The following ARID1B variants were observed in gnomAD, a reference collection of about 807,000 sequenced individuals.
ARID1B encodes AT-rich interaction domain 1B, also known as AT-rich interactive domain-containing protein 1B.
A neutral mutation model predicts 212.3 loss-of-function variants in ARID1B; 30 were observed. The observed-to-expected ratio is 0.14, with a 90% CI of 0.11 to 0.19. ARID1B has a LOEUF of 0.19. Ranked by LOEUF, ARID1B falls within the 10% of genes least tolerant of loss-of-function variation. The pLI, the probability that ARID1B is intolerant of heterozygous loss-of-function variation, is 1.00. For missense variants in ARID1B, 2,891 were observed against 3,204.0 expected (o/e 0.90, Z 2.36); for synonymous variants, 1,402 against 1,301.7 (o/e 1.08, Z -1.66).
Position 157,045,492 on chromosome 6 carries a change from A to G in ARID1B, c.2248-39170A>G, listed in dbSNP as rs890255621. 5.9e-5 allele frequency among the ~76,000 whole-genome samples: 9 copies of G among 151,946 alleles called. No homozygotes were observed. In the South Asian group the frequency reaches 1.7e-3, roughly 28 times the overall value. On this transcript the variant is annotated intron_variant, in intron 4 of 19. Transcript: ENST00000636930. ...ACCTTTTTTTTCTTCTGTGAGACAG[A>G]GTCTCTCTCTGTCACCCAGGCTGGA...
chr6:157,184,550 T>TG lies in ARID1B; in HGVS notation c.3919+121dup, dbSNP rs1464278543. On this transcript the variant is annotated intron_variant, in intron 13 of 19. Coordinates refer to ENST00000636930, the MANE Select transcript of ARID1B (RefSeq NM_001374828.1). ...CAGGGAACTTGGGACTTTTGAGAGG[T>TG]GGGGGGTTCCTGTGTCGTTTTGTTT... The TG allele has an allele frequency of 4.1e-6, 5 of 1,207,498 alleles. No individual in the cohort carries two copies. In the East Asian group the frequency reaches 7.5e-5, roughly 18 times the overall value. The allele number at this position is 1,207,498 out of a possible 1,614,324, so 74.8% of individuals were successfully genotyped here.
At chr6:157,039,683 TTCCTTCCTTCC>T (rs1781651720) in intron 4 of ARID1B, among the ~76,000 whole-genome samples, 2 of 92,576 alleles carry the variant, frequency 2.2e-5, no homozygotes, top group East Asian at 2.6e-4. Flanking sequence ...CCTTCCTTCC[TTCCTTCCTTCC>T]TTCTTTCTTT....
At chr6:156,931,389 G>A (rs1441267728) in intron 3 of ARID1B, among the ~76,000 whole-genome samples, 1 of 152,086 alleles carries the variant, frequency 6.6e-6, no homozygotes, top group East Asian at 1.9e-4. Flanking sequence ...CTAGGCCCTT[G>A]TAATAGTTAT....
At chr6:157,159,419 A>T (rs1790781463) in intron 8 of ARID1B, among the ~76,000 whole-genome samples, 1 of 152,164 alleles carries the variant, frequency 6.6e-6, no homozygotes, top group Non-Finnish European at 1.5e-5. Flanking sequence ...TTTGAGAGAA[A>T]AGGTGAAGAT....
rs1794612266 is a variant in ARID1B, at chr6:157,208,299, A to G, written c.*408A>G. 1 of 236,096 alleles carries G rather than the reference A, an allele frequency of 4.2e-6. No homozygotes were observed. Among genetic ancestry groups the G allele is most frequent in the Non-Finnish European group, 8.3e-6 (1 of 119,976 alleles). The allele number at this position is 236,096 out of a possible 1,614,324, so 14.6% of individuals were successfully genotyped here. A position where few individuals can be genotyped will look rare whatever the true frequency, so the allele number is the denominator to read the frequency against. On this transcript the variant is annotated 3_prime_UTR_variant, in exon 20 of 20. Coordinates refer to ENST00000636930, the MANE Select transcript of ARID1B (RefSeq NM_001374828.1). The stretch of plus-strand genomic sequence containing the variant: ...GCGAAAATTTCACCACACTGAGTCA[A>G]AAAGGTGAAAAATTATCCATTTCCT...
In ARID1B at chr6:156,935,624, T is replaced by A. The variant is rs752692590; in HGVS notation, c.2247+48T>A. On this transcript the variant is annotated intron_variant, in intron 4 of 19. Coordinates refer to ENST00000636930, the MANE Select transcript of ARID1B (RefSeq NM_001374828.1). ...TGGAAATGTAATGAGTTAAAGACTT[T>A]TAGAAAGAGCTGTTGTTTTTGTTTG... 4 of 1,471,352 alleles carry A rather than the reference T, an allele frequency of 2.7e-6. No individual in the cohort carries two copies. In the East Asian group the frequency reaches 6.8e-5, roughly 25 times the overall value. 91.1% of individuals were successfully genotyped at this position (1,471,352 alleles called of 1,614,324 possible).
chr6:156,860,411 T>C lies in ARID1B; in HGVS notation c.1986+30990T>C, dbSNP rs575584838. On this transcript the variant is annotated intron_variant, in intron 2 of 19. Transcript: ENST00000636930. ...GAATGGCCACAATAGGATTTGAAAA[T>C]GAAACAGGACAGAAGCCTGTTAGTG... 5.9e-5 allele frequency among the ~76,000 whole-genome samples: 9 copies of C among 151,964 alleles called. No individual in the cohort carries two copies. The South Asian group carries it at 1.7e-3, about 28-fold the overall frequency.
At chr6:156,833,200 G>A (rs1465524324) in intron 2 of ARID1B, among the ~76,000 whole-genome samples, 1 of 151,862 alleles carries the variant, frequency 6.6e-6, no homozygotes, top group East Asian at 1.9e-4. Context: ...ACTAGAATCT[G>A]ACTCTGAGTT....
At chr6:156,812,084 T>G (rs1781590909) in intron 1 of ARID1B, among the ~76,000 whole-genome samples, 1 of 152,238 alleles carries the variant, frequency 6.6e-6, no homozygotes, top group African/African-American at 2.4e-5. Flanking sequence ...AGGTGCTCAT[T>G]AAATGTTGTC....
rs1240367607 is a variant in ARID1B at position 156,778,004 on chromosome 6, CAAG to C, written c.325_327del (p.Lys109del). The C allele has an allele frequency of 6.1e-5, 93 of 1,532,562 alleles. No homozygotes were observed. The highest frequency in any genetic ancestry group is 7.6e-5 in the Non-Finnish European group (87 of 1,145,240). The allele number at this position is 1,532,562 out of a possible 1,614,324, so 94.9% of individuals were successfully genotyped here. On this transcript the variant is annotated inframe_deletion, in exon 1 of 20. Transcript: ENST00000636930. Reference sequence around the variant, plus strand: ...AGAGCGGCGGCTCCGAGGCGGCTCTCAAGGAGGGTGGAAGCGCCGCCGCGCTGT... The same window carrying C: ...AGAGCGGCGGCTCCGAGGCGGCTCTCGAGGGTGGAAGCGCCGCCGCGCTGT...
At chr6:157,179,824 G>C (rs893411705) in intron 11 of ARID1B, among the ~76,000 whole-genome samples, 2 of 152,098 alleles carry the variant, frequency 1.3e-5, no homozygotes, top group African/African-American at 4.8e-5. Context: ...AGATCATTCT[G>C]CTAAATAAGG....
intron 2 of ARID1B, among the ~76,000 whole-genome samples, chr6:156,830,274 G>T (rs563598240): frequency 9.2e-5 from 14 of 152,218 alleles, no homozygotes; most frequent in Non-Finnish European, 1.9e-4. Context: ...CAGGGAGTGG[G>T]TCAGGCTGAT....
chr6:156,986,420 C>T (rs1229405472), intron 4 of ARID1B, among the ~76,000 whole-genome samples: 1 of 152,132 alleles, frequency 6.6e-6, no homozygotes, highest in Non-Finnish European at 1.5e-5. Flanking sequence ...TATTTTTAAG[C>T]TTATTCAAAG....
intron 4 of ARID1B, among the ~76,000 whole-genome samples, chr6:156,982,105 G>A (rs184479283): frequency 1.2e-4 from 18 of 151,224 alleles, no homozygotes; most frequent in African/African-American, 3.9e-4. Flanking sequence ...TTTTGACTGC[G>A]CACATCTTTC....
chr6:156,896,257 T>C lies in ARID1B; in HGVS notation c.1987-5119T>C, dbSNP rs868045099. 2.0e-5 allele frequency among the ~76,000 whole-genome samples: 3 copies of C among 152,136 alleles called. No homozygotes were observed. In the East Asian group the frequency reaches 5.8e-4, roughly 29 times the overall value. On this transcript the variant is annotated intron_variant, in intron 2 of 19. Transcript: ENST00000636930. ...GGCCGGGTCATGGGGTCAGTGTACC[T>C]TTAAACCTAGTAAGAAACTGCTCTC...
At position 157,121,629 on chromosome 6, in the gene ARID1B, C is replaced by CTTTT. The variant is rs1389687982; in HGVS notation, c.2581+11083_2581+11086dup. The stretch of plus-strand genomic sequence containing the variant: ...TTACAAATAAGAGAATCATATATAG[C>CTTTT]TTTTTTTTTTTTTTTTTTGCTGAGA... On this transcript the variant is annotated intron_variant, in intron 6 of 19. Coordinates refer to ENST00000636930, the MANE Select transcript of ARID1B (RefSeq NM_001374828.1). Among the ~76,000 whole-genome samples, 430 of 112,904 alleles carry CTTTT rather than the reference C, an allele frequency of 3.8e-3. 19 individuals are homozygous for CTTTT. Among genetic ancestry groups the CTTTT allele is most frequent in the East Asian group, 7.1e-3 (30 of 4,198 alleles). 74.1% of individuals were successfully genotyped at this position (112,904 alleles called of 152,430 possible).
chr6:157,011,080 A>G (rs770591339), intron 4 of ARID1B, among the ~76,000 whole-genome samples: 33 of 152,088 alleles, frequency 2.2e-4, no homozygotes, highest in Non-Finnish European at 4.3e-4. Flanking sequence ...AGAATGGGCA[A>G]ATTGAATGGA....
intron 4 of ARID1B, chr6:156,940,166 A>G (rs1033233860): frequency 3.9e-5 from 6 of 152,192 alleles, no homozygotes; most frequent in African/African-American, 4.8e-5. Flanking sequence ...TTGGAATACA[A>G]TCAGTTTGGC....
intron 2 of ARID1B, among the ~76,000 whole-genome samples, chr6:156,875,113 G>T (rs915116881): frequency 2.0e-5 from 3 of 152,208 alleles, no homozygotes; most frequent in African/African-American, 7.2e-5. Flanking sequence ...ATTAAGAGTA[G>T]TGTCTAGATA....
Sources: gnomAD v4.1 joint callset for allele counts (sites outside exome capture counted in the v4.1 genomes callset) on GRCh38, gnomAD v4.1.1 for gene constraint, MANE v1.5 for transcripts, NCBI Gene and HGNC (gene_info 2026-07-23, HGNC 2026-07-21) for gene names.